The following KPNA3 variants were observed in gnomAD, a reference collection of about 807,000 sequenced individuals.
The protein encoded by KPNA3 is karyopherin subunit alpha 3, also known as importin subunit alpha-4.
KPNA3 carries 13 observed loss-of-function variants against 73.8 expected under a neutral mutation model. The ratio of observed to expected loss-of-function variants is 0.18; its 90% CI spans 0.11 to 0.28. The LOEUF (loss-of-function observed/expected upper bound fraction) is 0.28. Ranked by LOEUF, KPNA3 falls within the 10% of genes least tolerant of loss-of-function variation. The pLI is 1.00. For missense variants in KPNA3, 360 were observed against 618.1 expected (o/e 0.58, Z 4.43); for synonymous variants, 186 against 206.9 (o/e 0.90, Z 0.87).
At chr13:49,737,811 G>A (rs1399635024) in intron 2 of KPNA3, among the ~76,000 whole-genome samples, 2 of 152,048 alleles carry the variant, frequency 1.3e-5, no homozygotes, top group Non-Finnish European at 2.9e-5. Context: ...TGTATGTGCT[G>A]GATACTAGTC....
chr13:49,737,391 TGATA>T (rs1388803579), intron 2 of KPNA3, among the ~76,000 whole-genome samples: 2 of 152,248 alleles, frequency 1.3e-5, no homozygotes, highest in African/African-American at 4.8e-5. Flanking sequence ...TTAGCTGTTC[TGATA>T]GATGTGTAGT....
chr13:49,704,365 G>A (rs1182759013), intron 15 of KPNA3, among the ~76,000 whole-genome samples: 3 of 150,940 alleles, frequency 2.0e-5, no homozygotes, highest in Admixed American at 2.0e-4. Context: ...GGAGGTTGCG[G>A]TGAGCCATTA....
chr13:49,762,913 G>C (rs1361896699), intron 1 of KPNA3, among the ~76,000 whole-genome samples: 1 of 77,636 alleles, frequency 1.3e-5, no homozygotes, highest in East Asian at 1.0e-3. Context: ...TTACACCAAG[G>C]CTGGCTTAAA....
Position 49,725,430 on chromosome 13 carries a change from G to A in KPNA3, c.455C>T (p.Ala152Val), listed in dbSNP as rs17855583. ...IASGTSAQTQ[A>V]VVQSNAVPLF... ...AATTTACTTACTAGACTGCACAACA[G>A]CTTGAGTCTGTGCAGAAGTTCCTGA... The change falls in exon 7 of 17, where the codon GCT becomes GTT. Residue 152 changes from alanine (A) to valine (V), a missense_variant. By Grantham distance (64) the Ala-to-Val change is moderately conservative. Transcript: ENST00000261667. 1 of 1,609,286 alleles carries A rather than the reference G, an allele frequency of 6.2e-7. No individual in the cohort carries two copies. Among genetic ancestry groups the A allele is most frequent in the African/African-American group, 1.3e-5 (1 of 74,802 alleles).
At chr13:49,775,162 CAAAAAAAA>C (rs60494803) in intron 1 of KPNA3, among the ~76,000 whole-genome samples, 29 of 93,074 alleles carry the variant, frequency 3.1e-4, no homozygotes, top group South Asian at 8.9e-4. Flanking sequence ...GACTCTGTCT[CAAAAAAAA>C]AAAAAAAAAA....
intron 8 of KPNA3, 90 bp from the exon 9 acceptor site, chr13:49,722,214 C>G: frequency 5.6e-6 from 5 of 885,354 alleles, no homozygotes; most frequent in Non-Finnish European, 8.3e-6. Context: ...GGAACACTGA[C>G]GTTCTATGTT....
chr13:49,791,790 G>T (rs1047317331), intron 1 of KPNA3, among the ~76,000 whole-genome samples: 1 of 152,340 alleles, frequency 6.6e-6, no homozygotes, highest in East Asian at 1.9e-4. Flanking sequence ...GCAGGAGTAT[G>T]AGCTGCAACA....
At chr13:49,744,849 G>A (rs2137567292) in intron 2 of KPNA3, among the ~76,000 whole-genome samples, 2 of 152,276 alleles carry the variant, frequency 1.3e-5, no homozygotes, top group South Asian at 4.1e-4. Flanking sequence ...GCATGACACT[G>A]ATTTGCAAAA....
intron 10 of KPNA3, among the ~76,000 whole-genome samples, chr13:49,717,139 TTG>T (rs1281447947): frequency 6.6e-6 from 1 of 152,172 alleles, no homozygotes; most frequent in African/African-American, 2.4e-5. Context: ...CCTTCCATAT[TTG>T]TGTTATTTGT....
chr13:49,722,403 G>C (rs938649765), intron 8 of KPNA3, 74 bp downstream of exon 8: 10 of 945,706 alleles, frequency 1.1e-5, no homozygotes, highest in Non-Finnish European at 1.7e-5. Context: ...AGGAAACATA[G>C]TATGTAATGG....
intron 2 of KPNA3, among the ~76,000 whole-genome samples, chr13:49,739,330 G>A (rs1045897135): frequency 3.3e-5 from 5 of 152,218 alleles, no homozygotes; most frequent in African/African-American, 2.4e-5. Context: ...CTCAACCCAC[G>A]AAGCATTATT....
intron 16 of KPNA3, 46 bp from the exon 17 acceptor site, chr13:49,701,944 C>T (rs1447188488): frequency 7.9e-7 from 1 of 1,261,936 alleles, no homozygotes. Context: ...TGATACTATA[C>T]ATTATGATGT....
intron 2 of KPNA3, among the ~76,000 whole-genome samples, chr13:49,737,561 CTGTGTGTGTGTGTGTGTGTGTG>C (rs3990330): frequency 0.017 from 2,402 of 143,048 alleles, 20 homozygotes; most frequent in African/African-American, 0.026. Flanking sequence ...GTGTGTGTGT[CTGTGTGTGTGTGTGTGTGTGTG>C]TGTGTGTGTG....
rs187678936 is a variant in KPNA3, at chr13:49,767,524, G to T, written c.70-20531C>A. 3.0e-4 allele frequency among the ~76,000 whole-genome samples: 45 copies of T among 152,214 alleles called. 1 individual carries two copies. Among genetic ancestry groups the T allele is most frequent in the African/African-American group, 1.0e-3 (43 of 41,530 alleles). Reference sequence around the variant, plus strand: ...CTTGATTGTGGTGATGGTTTCATCAGTGTATGTACGTGTGTGAAAGAGTAT... The same window carrying T: ...CTTGATTGTGGTGATGGTTTCATCATTGTATGTACGTGTGTGAAAGAGTAT... On this transcript the variant is annotated intron_variant, in intron 1 of 16. Transcript: ENST00000261667.
chr13:49,733,437 C>T (rs558848450), intron 2 of KPNA3, among the ~76,000 whole-genome samples: 2 of 152,004 alleles, frequency 1.3e-5, no homozygotes, highest in South Asian at 2.1e-4. Flanking sequence ...TACAGTCGTG[C>T]GCCACCACAC....
intron 1 of KPNA3, among the ~76,000 whole-genome samples, chr13:49,780,198 C>A (rs1292500793): frequency 6.6e-6 from 1 of 152,120 alleles, no homozygotes; most frequent in Non-Finnish European, 1.5e-5. Context: ...CAACTGATTT[C>A]ATAAATAAAG....
At chr13:49,734,341 T>C (rs1954499358) in intron 2 of KPNA3, among the ~76,000 whole-genome samples, 1 of 152,240 alleles carries the variant, frequency 6.6e-6, no homozygotes. Context: ...TCTTATTCAG[T>C]GATTTCTAAT....
chr13:49,723,352 AC>A (rs748864551), intron 7 of KPNA3, among the ~76,000 whole-genome samples: 10 of 152,098 alleles, frequency 6.6e-5, no homozygotes, highest in Non-Finnish European at 1.2e-4. Flanking sequence ...CAGATGGATC[AC>A]CAGGTCAGGA....
chr13:49,718,040 T>C (rs1405612346), intron 10 of KPNA3, among the ~76,000 whole-genome samples: 1 of 152,184 alleles, frequency 6.6e-6, no homozygotes, highest in Non-Finnish European at 1.5e-5. Context: ...TATGTGATCA[T>C]GGTATGAAAA....
Sources: gnomAD v4.1 joint callset for allele counts (sites outside exome capture counted in the v4.1 genomes callset) on GRCh38, gnomAD v4.1.1 for gene constraint, MANE v1.5 for transcripts, NCBI Gene and HGNC (gene_info 2026-07-23, HGNC 2026-07-21) for gene names.